The following MAP3K11 variants were observed in gnomAD, a reference collection of about 807,000 sequenced individuals.
The protein encoded by MAP3K11 is SH3 domain-containing proline-rich kinase.
In MAP3K11, 46 loss-of-function variants were observed where a neutral mutation model predicts 84.9. That is an observed-to-expected ratio of 0.54 (90% CI 0.43 to 0.69). The LOEUF is 0.69. Among genes scored for constraint, MAP3K11 ranks in the 30% least tolerant of loss-of-function variants. The pLI is 0.00. For missense variants in MAP3K11, 1,053 were observed against 1,198.3 expected, an observed-to-expected ratio of 0.88 and a Z score of 1.79; for synonymous variants, 527 against 514.7, an observed-to-expected ratio of 1.02 and a Z score of -0.32.
rs959349628 is a variant in MAP3K11, at chr11:65,613,975, G to C, written c.-219C>G. The stretch of plus-strand genomic sequence containing the variant: ...GCACCCAGGGCAGTGTGGTCAGGCC[G>C]GGGGGGTGGGGCCCCGGGGCCTCCG... On this transcript the variant is annotated 5_prime_UTR_variant, in exon 1 of 10. Coordinates refer to ENST00000309100, the MANE Select transcript of MAP3K11 (RefSeq NM_002419.4). The C allele has an allele frequency of 1.1e-4, 63 of 570,184 alleles. No homozygotes were observed. The highest frequency in any genetic ancestry group is 1.1e-4 in the Admixed American group (3 of 27,288). 35.3% of individuals were successfully genotyped at this position (570,184 alleles called of 1,614,324 possible). A position where few individuals can be genotyped will look rare whatever the true frequency, so the allele number is the denominator to read the frequency against.
chr11:65,598,873 C>T (rs1854416305), intron 9 of MAP3K11, among the ~76,000 whole-genome samples: 1 of 152,154 alleles, frequency 6.6e-6, no homozygotes, highest in South Asian at 2.1e-4. Context: ...AGCTGTGGGT[C>T]CCTTAATCTC....
chr11:65,605,524 G>A, intron 8 of MAP3K11: 1 of 455,132 alleles, frequency 2.2e-6, no homozygotes, highest in Non-Finnish European at 3.8e-6. Flanking sequence ...TGAGCAAGGG[G>A]ATGAGACTCT....
intron 8 of MAP3K11, chr11:65,605,483 G>A (rs1854496505): frequency 3.1e-6 from 1 of 326,068 alleles, no homozygotes; most frequent in Non-Finnish European, 5.6e-6. Flanking sequence ...CTGCCATGGG[G>A]CCAGGGAAGA....
rs1308704732 is a variant in MAP3K11, at chr11:65,606,011, T to C, written c.1674A>G (p.Gly558=). The change falls in exon 7 of 10, where the codon GGA becomes GGG. Residue 558 remains glycine (G), a synonymous_variant. Coordinates refer to ENST00000309100, the MANE Select transcript of MAP3K11 (RefSeq NM_002419.4). ...CCCAAGCCCAGCATGCTCGCCGCTC[T>C]CCATTGCTTGAGTCCTCCAGACGTC... The part of the protein sequence containing the change: ...SPRRLEDSSN[G]ERRACWAWGP... 2.5e-6 allele frequency: 4 copies of C among 1,601,936 alleles called. No homozygotes were observed. The Admixed American group carries it at 5.2e-5, about 21-fold the overall frequency.
intron 8 of MAP3K11, among the ~76,000 whole-genome samples, chr11:65,602,462 A>G (rs1267429140): frequency 1.3e-5 from 2 of 152,086 alleles, no homozygotes; most frequent in African/African-American, 4.8e-5. Context: ...CCTGGTCAAC[A>G]TGGTGAAACC....
rs1025451820 is a variant in MAP3K11 at position 65,607,381 on chromosome 11, G to A, written c.1378C>T (p.Leu460=). The part of the protein sequence containing the change: ...LEVFERELTL[L]LQQVDRERPH... ...CGCTCGCGGTCCACCTGCTGCAGCA[G>A]CAGCGTCAGCTCGCGCTCGAACACC... The change falls in exon 5 of 10, where the codon CTG becomes TTG. Residue 460 remains leucine (L), a synonymous_variant. Coordinates refer to ENST00000309100, the MANE Select transcript of MAP3K11 (RefSeq NM_002419.4). The A allele has an allele frequency of 2.0e-6, 3 of 1,496,450 alleles. No individual in the cohort carries two copies. Among genetic ancestry groups the A allele is most frequent in the African/African-American group, 2.9e-5 (2 of 70,010 alleles). 92.7% of individuals were successfully genotyped at this position (1,496,450 alleles called of 1,614,324 possible).
chr11:65,604,144 C>A (rs1220267690), intron 8 of MAP3K11, among the ~76,000 whole-genome samples: 1 of 152,238 alleles, frequency 6.6e-6, no homozygotes, highest in African/African-American at 2.4e-5. Flanking sequence ...CTGAACTATT[C>A]ATGAATATAT....
Position 65,606,050 on chromosome 11 carries a change from GC to G in MAP3K11, c.1634del (p.Gly545AlafsTer56). 6.3e-7 allele frequency: 1 copy of G among 1,588,112 alleles called. No homozygotes were observed. The highest frequency in any genetic ancestry group is 8.6e-7 in the Non-Finnish European group (1 of 1,168,722). Reference sequence around the variant, plus strand: ...CCTCCAGACGTCGGGGGGACTGGCGGCCCCATGCCTGGCCTGGCTCTGCAGG... The same window carrying G: ...CCTCCAGACGTCGGGGGGACTGGCGGCCCATGCCTGGCCTGGCTCTGCAGG... ...LEPAEPGQAW[G>X]RQSPRRLEDS... On this transcript the variant is annotated frameshift_variant, in exon 7 of 10. Coordinates refer to ENST00000309100, the MANE Select transcript of MAP3K11 (RefSeq NM_002419.4). LOFTEE classifies it high-confidence loss of function.
At position 65,598,388 on chromosome 11, in the gene MAP3K11, G is replaced by A. The variant is rs1474417339; in HGVS notation, c.2447C>T (p.Pro816Leu). The change falls in exon 10 of 10, where the codon CCA becomes CTA. Residue 816 changes from proline (P) to leucine (L), a missense_variant. By Grantham distance (98) the Pro-to-Leu change is moderately conservative. This residue lies in a region of MAP3K11 where 583 missense variants were observed against 566.6 expected (regional missense o/e 1.03). Transcript: ENST00000309100. ...GCCCCCCTGGAAGGGGTTGGCAGGT[G>A]GGGAGTCCCAGAAGGGGTCTGAGTC... ...FPDSDPFWDSPPANPFQGGPQ... is the reference protein window; with the variant it reads ...FPDSDPFWDSLPANPFQGGPQ... 6.4e-7 allele frequency: 1 copy of A among 1,562,776 alleles called. No homozygotes were observed. Among genetic ancestry groups the A allele is most frequent in the Non-Finnish European group, 8.7e-7 (1 of 1,150,526 alleles).
rs1854512165 is a variant in MAP3K11, at chr11:65,606,710, G to A, written c.1584C>T (p.Pro528=). The A allele has an allele frequency of 6.2e-7, 1 of 1,601,220 alleles. No individual in the cohort carries two copies. The highest frequency in any genetic ancestry group is 1.4e-5 in the African/African-American group (1 of 74,044). The change falls in exon 6 of 10, where the codon CCC becomes CCT. Residue 528 remains proline (P), a synonymous_variant. Transcript: ENST00000309100. ...TCTTACACTGGATGGCTCGGAACCG[G>A]GGAAAGGTGGGCGAATCCCCAGGCC... The part of the protein sequence containing the change: ...EVGPGDSPTF[P]RFRAIQLEPA...
chr11:65,600,642 C>CGTT (rs1854445857), intron 8 of MAP3K11, among the ~76,000 whole-genome samples: 1 of 152,212 alleles, frequency 6.6e-6, no homozygotes, highest in Admixed American at 6.5e-5. Flanking sequence ...GATGGGGAAC[C>CGTT]CCTCATTAAG....
At position 65,598,364 on chromosome 11, in the gene MAP3K11, C is replaced by G; in HGVS notation, c.2471G>C (p.Gly824Ala). ...GGTCTGTGCCCTGCAGTCCTGGGGG[C>G]CCCCCTGGAAGGGGTTGGCAGGTGG... ...DSPPANPFQG[G>A]PQDCRAQTKD... is the part of the protein sequence containing the mutation. Residue 824 changes from glycine (G) to alanine (A), a missense_variant, in exon 10 of 10, where the codon GGC (glycine) becomes GCC (alanine). Gly to Ala is a moderately conservative substitution (Grantham distance 60). Transcript: ENST00000309100. 1 of 1,537,030 alleles carries G rather than the reference C, an allele frequency of 6.5e-7. No homozygotes were observed. Among genetic ancestry groups the G allele is most frequent in the Non-Finnish European group, 8.8e-7 (1 of 1,139,828 alleles).
intron 2 of MAP3K11, 98 bp from the exon 3 acceptor site, chr11:65,608,168 G>GGGTCCC (rs1854534308): frequency 1.3e-6 from 2 of 1,593,516 alleles, no homozygotes; most frequent in Non-Finnish European, 1.7e-6. Flanking sequence ...CAAGTGGTTT[G>GGGTCCC]GGTCCCTGTC....
Position 65,598,608 on chromosome 11 carries a change from G to A in MAP3K11, c.2227C>T (p.Pro743Ser), listed in dbSNP as rs762717646. 2 of 1,546,390 alleles carry A rather than the reference G, an allele frequency of 1.3e-6. No homozygotes were observed. The highest frequency in any genetic ancestry group is 1.7e-6 in the Non-Finnish European group (2 of 1,143,572). ...EPRGGTVSPP[P>S]GTSRSAPGTP... ...CCAGGAGCAGAGCGTGATGTCCCCG[G>A]TGGGGGTGAGACAGTGCCTCCTGTG... The change falls in exon 10 of 10, where the codon CCG becomes TCG. Residue 743 changes from proline (P) to serine (S), a missense_variant. By Grantham distance (74) the Pro-to-Ser change is moderately conservative. Coordinates refer to ENST00000309100, the MANE Select transcript of MAP3K11 (RefSeq NM_002419.4).
chr11:65,605,652 G>T, intron 8 of MAP3K11, 109 bp downstream of exon 8: 1 of 748,246 alleles, frequency 1.3e-6, no homozygotes, highest in Non-Finnish European at 2.1e-6. Context: ...TCTAGAATGA[G>T]AGCAACCAGG....
intron 1 of MAP3K11, chr11:65,611,965 T>C (rs1006329387): frequency 1.3e-5 from 2 of 152,176 alleles, no homozygotes; most frequent in African/African-American, 2.4e-5. Flanking sequence ...AACTTGGATA[T>C]CTGGGGCTCA....
chr11:65,606,579 G>A (rs1454306964), intron 6 of MAP3K11, 112 bp downstream of exon 6: 1 of 735,002 alleles, frequency 1.4e-6, no homozygotes, highest in Non-Finnish European at 2.2e-6. Flanking sequence ...CAGGGAGCCT[G>A]GGGGCGGGGA....
At chr11:65,599,331 C>T (rs2135362106) in intron 9 of MAP3K11, 63 bp downstream of exon 9, 1 of 1,472,528 alleles carries the variant, frequency 6.8e-7, no homozygotes, top group Non-Finnish European at 8.9e-7. Flanking sequence ...CCACCAGCCA[C>T]TCCTCCCTCC....
At position 65,613,607 on chromosome 11, in the gene MAP3K11, G is replaced by T; in HGVS notation, c.150C>A (p.Phe50Leu). Residue 50 changes from phenylalanine (F) to leucine (L), a missense_variant, in exon 1 of 10, where the codon TTC becomes TTA. Phe to Leu is a conservative substitution (Grantham distance 22). Transcript: ENST00000309100. ...GYANPVWTAL[F>L]DYEPSGQDEL... ...CATCCTGCCCACTGGGCTCGTAGTC[G>T]AACAGGGCTGTCCACACCGGGTTGG... 1.9e-6 allele frequency: 3 copies of T among 1,613,092 alleles called. No individual in the cohort carries two copies. Among genetic ancestry groups the T allele is most frequent in the Non-Finnish European group, 2.5e-6 (3 of 1,179,998 alleles).
Sources: gnomAD v4.1 joint callset for allele counts (sites outside exome capture counted in the v4.1 genomes callset) on GRCh38, gnomAD v4.1.1 for gene constraint, gnomAD v4.1.1 regional missense constraint, MANE v1.5 for transcripts, NCBI Gene and HGNC (gene_info 2026-07-23, HGNC 2026-07-21) for gene names.